Variants in CCDC39 observed in about 807,000 individuals in gnomAD.
CCDC39 encodes the protein coiled-coil domain 39 molecular ruler complex subunit, also known as coiled-coil domain-containing protein 39.
A neutral mutation model predicts 121.0 loss-of-function variants in CCDC39; 113 were observed. The ratio of observed to expected loss-of-function variants is 0.93; its 90% CI spans 0.80 to 1.09. The LOEUF is 1.09. Ranked by LOEUF, CCDC39 falls within the 50% of genes least tolerant of loss-of-function variation. The pLI is 0.00. For synonymous variants in CCDC39, 349 were observed against 352.2 expected (o/e 0.99, Z 0.10); for missense variants, 1,063 against 1,074.7 (o/e 0.99, Z 0.15).
chr3:180,670,003 C>T (rs948694580), intron 1 of CCDC39, among the ~76,000 whole-genome samples: 4 of 151,984 alleles, frequency 2.6e-5, no homozygotes, highest in Admixed American at 2.6e-4. Flanking sequence ...CATCATTGTT[C>T]CTGGCACATA....
At chr3:180,635,724 T>C (rs1229821046) in intron 13 of CCDC39, among the ~76,000 whole-genome samples, 4 of 152,334 alleles carry the variant, frequency 2.6e-5, no homozygotes, top group Non-Finnish European at 5.9e-5. Context: ...GTATAGCCCC[T>C]GTGGCTGCCT....
In CCDC39 at chr3:180,648,269, A is replaced by G. The variant is rs1241310722; in HGVS notation, c.1258T>C (p.Leu420=). The G allele has an allele frequency of 6.2e-7, 1 of 1,613,232 alleles. No individual in the cohort carries two copies. Among genetic ancestry groups the G allele is most frequent in the African/African-American group, 1.3e-5 (1 of 74,892 alleles). The change falls in exon 10 of 20, where the codon TTA becomes CTA. Residue 420 remains leucine (L), a synonymous_variant. Coordinates refer to ENST00000476379, the MANE Select transcript of CCDC39 (RefSeq NM_181426.2). ...QTETMKEKAV[L]SEIEGTRSSL... is the part of the protein sequence containing the mutation. The stretch of plus-strand genomic sequence containing the variant: ...GAACGAGTTCCTTCAATTTCTGATA[A>G]AACAGCTTTTTCTTTCATTGTCTCA...
intron 2 of CCDC39, among the ~76,000 whole-genome samples, chr3:180,662,611 A>G (rs1026580605): frequency 1.3e-5 from 2 of 152,032 alleles, no homozygotes; most frequent in Non-Finnish European, 2.9e-5. Context: ...CTATTACTCT[A>G]TTCATTTGAG....
intron 6 of CCDC39, among the ~76,000 whole-genome samples, chr3:180,655,598 A>T (rs973415389): frequency 6.6e-6 from 1 of 152,084 alleles, no homozygotes; most frequent in African/African-American, 2.4e-5. Context: ...CCAAGAGGCA[A>T]CATTTGAGTC....
chr3:180,632,849 A>ATCAACAACTCTGGGCCATTCCCC (rs1717732558), intron 13 of CCDC39, among the ~76,000 whole-genome samples: 2 of 152,202 alleles, frequency 1.3e-5, no homozygotes, highest in Non-Finnish European at 2.9e-5. Flanking sequence ...TGAGGCTATA[A>ATCAACAACTCTGGGCCATTCCCC]TCAACAACTC....
Position 180,660,717 on chromosome 3 carries a change from A to T in CCDC39, c.369T>A (p.Phe123Leu), listed in dbSNP as rs755909362. 6.2e-7 allele frequency: 1 copy of T among 1,600,404 alleles called. No homozygotes were observed. The highest frequency in any genetic ancestry group is 8.5e-7 in the Non-Finnish European group (1 of 1,172,428). ...AACCATCCAATTTTTGAGTGGCTTTAAATATGCCATTCTAATTTCCAAAGA... is the reference window on the plus strand; with the variant it reads ...AACCATCCAATTTTTGAGTGGCTTTTAATATGCCATTCTAATTTCCAAAGA... ...EKKSDKENGIFKATQKLDGLK... is the reference protein window; with the variant it reads ...EKKSDKENGILKATQKLDGLK... The change falls in exon 4 of 20, where the codon TTT becomes TTA. Residue 123 changes from phenylalanine (F) to leucine (L), a missense_variant. By Grantham distance (22) the Phe-to-Leu change is conservative. Transcript: ENST00000476379.
At position 180,619,925 on chromosome 3, in the gene CCDC39, CCAAA is replaced by C. The variant is rs1174553107; in HGVS notation, c.2040_2043del (p.Cys680TrpfsTer15). 9.9e-6 allele frequency: 16 copies of C among 1,609,236 alleles called. No homozygotes were observed. The highest frequency in any genetic ancestry group is 1.7e-5 in the Admixed American group (1 of 59,480). On this transcript the variant is annotated frameshift_variant, in exon 15 of 20. Transcript: ENST00000476379. LOFTEE classifies it high-confidence loss of function. ...TTTTCAGCTTTGTTGATCTTGGCAT[CCAAA>C]CAGTCACCTTCCCTTTGAAGTTCTT...
chr3:180,619,261 G>A lies in CCDC39; in HGVS notation c.2263C>T (p.Gln755Ter). 1 of 1,478,088 alleles carries A rather than the reference G, an allele frequency of 6.8e-7. No homozygotes were observed. Among genetic ancestry groups the A allele is most frequent in the South Asian group, 1.2e-5 (1 of 82,274 alleles). 91.6% of individuals were successfully genotyped at this position (1,478,088 alleles called of 1,614,324 possible). ...CTAAAAATGCCTGTAGAATTTACCT[G>A]GATGTCTTCTTGAAGTTCTCTGATT... ...RQIRELQEDIQSMENTLDVIE... is the reference protein window; with the variant it reads ...RQIRELQEDI The change falls in exon 16 of 20, where the codon CAG becomes TAG. Residue 755 changes from glutamine (Q) to a stop codon, truncating the protein, a stop_gained and splice_region_variant. Transcript: ENST00000476379. LOFTEE classifies it high-confidence loss of function.
chr3:180,631,553 C>T lies in CCDC39; in HGVS notation c.1914G>A (p.Leu638=). 4 of 1,609,220 alleles carry T rather than the reference C, an allele frequency of 2.5e-6. No individual in the cohort carries two copies. Among genetic ancestry groups the T allele is most frequent in the Non-Finnish European group, 3.4e-6 (4 of 1,179,212 alleles). The change falls in exon 14 of 20, where the codon CTG becomes CTA. Residue 638 remains leucine (L), a synonymous_variant. Coordinates refer to ENST00000476379, the MANE Select transcript of CCDC39 (RefSeq NM_181426.2). The part of the protein sequence containing the change: ...FRERLSKIEK[L]KNRYEILTVV... ...CAGTCAGAATTTCATATCTATTCTTCAGCTTCTCAATTTTACTTAGCCGCT... is the reference window on the plus strand; with the variant it reads ...CAGTCAGAATTTCATATCTATTCTTTAGCTTCTCAATTTTACTTAGCCGCT...
chr3:180,639,625 G>C (rs778462280), intron 13 of CCDC39, among the ~76,000 whole-genome samples: 3 of 152,020 alleles, frequency 2.0e-5, no homozygotes, highest in Admixed American at 6.6e-5. Context: ...GGGGACTTGT[G>C]GGGGGTGGAG....
At chr3:180,662,125 C>T (rs1711757543) in intron 2 of CCDC39, 118 bp from the exon 3 acceptor site, 13 of 863,938 alleles carry the variant, frequency 1.5e-5, no homozygotes, top group Middle Eastern at 6.5e-4. Flanking sequence ...ACATTAAGTA[C>T]TACTAATTCC....
chr3:180,654,607 C>A, intron 7 of CCDC39, among the ~76,000 whole-genome samples, 155 bp downstream of exon 7: 1 of 129,118 alleles, frequency 7.7e-6, no homozygotes, highest in South Asian at 2.4e-4. Context: ...CCAAAAGTTC[C>A]ACAAACAAAG....
At chr3:180,655,051 T>TA in intron 6 of CCDC39, 98 bp from the exon 7 acceptor site, 1 of 754,378 alleles carries the variant, frequency 1.3e-6, no homozygotes, top group Non-Finnish European at 1.9e-6. Flanking sequence ...ATTTAGTACT[T>TA]ATTTTACCAA....
rs1407861727 is a variant in CCDC39, at chr3:180,679,241, C to G, written c.90+50G>C. ...GGGTAGTACTGCCAACCAGAAAACG[C>G]CCCCAACAGGCTCTCTCTGCTTCCT... On this transcript the variant is annotated intron_variant, in intron 1 of 19. Coordinates refer to ENST00000476379, the MANE Select transcript of CCDC39 (RefSeq NM_181426.2). This position sits in a 1 kb window ranked among gnomAD's most constrained non-coding sequence, Gnocchi z 4.0. The G allele has an allele frequency of 6.8e-7, 1 of 1,470,478 alleles. No homozygotes were observed. The allele number at this position is 1,470,478 out of a possible 1,614,324, so 91.1% of individuals were successfully genotyped here.
intron 2 of CCDC39, 56 bp downstream of exon 2, chr3:180,663,806 ATATAC>A: frequency 6.5e-7 from 1 of 1,527,644 alleles, no homozygotes; most frequent in Non-Finnish European, 9.0e-7. Context: ...GCAGATGTAA[ATATAC>A]TATGAGATGT....
rs771478702 is a variant in CCDC39, at chr3:180,616,552, A to C, written c.2550T>G (p.Thr850=). The C allele has an allele frequency of 8.8e-6, 14 of 1,591,854 alleles. No homozygotes were observed. The highest frequency in any genetic ancestry group is 6.0e-6 in the Non-Finnish European group (7 of 1,169,300). ...ATGTTTGAAGGATAATACGGATCTC[A>C]GTATTTTCTTCTATGATATCAACTA... ...EMLVDIIEEN[T]EIRIILQTYF... Residue 850 remains threonine, a synonymous_variant, in exon 18 of 20, where the codon ACT becomes ACG. Coordinates refer to ENST00000476379, the MANE Select transcript of CCDC39 (RefSeq NM_181426.2).
At chr3:180,628,293 C>T (rs1489936422) in intron 14 of CCDC39, among the ~76,000 whole-genome samples, 1 of 152,182 alleles carries the variant, frequency 6.6e-6, no homozygotes, top group Non-Finnish European at 1.5e-5. Flanking sequence ...TCACTGCAAG[C>T]TCCGCCTCCT....
chr3:180,647,206 C>A lies in CCDC39; in HGVS notation c.1400G>T (p.Arg467Leu). 6.2e-7 allele frequency: 1 copy of A among 1,608,926 alleles called. No homozygotes were observed. Among genetic ancestry groups the A allele is most frequent in the East Asian group, 2.2e-5 (1 of 44,700 alleles). Residue 467 changes from arginine (R) to leucine (L), a missense_variant, in exon 11 of 20, where the codon CGG (arginine) becomes CTG (leucine). Arg to Leu is a moderately radical substitution (Grantham distance 102). Coordinates refer to ENST00000476379, the MANE Select transcript of CCDC39 (RefSeq NM_181426.2). ...TTCTGAATTAATTTCTCCCTTTAAC[C>A]GTGACATTCTCCGTTCCACTTGTTG... ...HIQQVERRMS[R>L]LKGEINSEEK...
intron 2 of CCDC39, among the ~76,000 whole-genome samples, 200 bp downstream of exon 2, chr3:180,663,667 C>T (rs1451170610): frequency 7.0e-6 from 1 of 143,110 alleles, no homozygotes; most frequent in African/African-American, 2.7e-5. Flanking sequence ...GAGACTTCAT[C>T]TCAAAAAAAA....
Sources: gnomAD v4.1 joint callset for allele counts (sites outside exome capture counted in the v4.1 genomes callset) on GRCh38, gnomAD v4.1.1 for gene constraint, Gnocchi (gnomAD v3.1) non-coding constraint, MANE v1.5 for transcripts, NCBI Gene and HGNC (gene_info 2026-07-23, HGNC 2026-07-21) for gene names.